The following NCOR2 variants were observed in gnomAD, a reference collection of about 807,000 sequenced individuals.
The protein encoded by NCOR2 is nuclear receptor corepressor 2, also known as CTG repeat protein 26.
In NCOR2, 81 loss-of-function variants were observed where a neutral mutation model predicts 262.9. The ratio of observed to expected loss-of-function variants is 0.31; its 90% confidence interval spans 0.26 to 0.37. The LOEUF is 0.37. Among genes scored for constraint, NCOR2 ranks in the 10% least tolerant of loss-of-function variants. The pLI is 1.00. For missense variants in NCOR2, 3,385 were observed against 3,621.4 expected, an observed-to-expected ratio of 0.93 and a Z score of 1.68; for synonymous variants, 1,659 against 1,559.3, an observed-to-expected ratio of 1.06 and a Z score of -1.51.
At chr12:124,384,485 G>T (rs1025184435) in intron 17 of NCOR2, among the ~76,000 whole-genome samples, 2 of 152,200 alleles carry the variant, frequency 1.3e-5, no homozygotes, top group Admixed American at 1.3e-4. Flanking sequence ...CCAGAGGGTG[G>T]ATCTCAGCCC....
Position 124,430,462 on chromosome 12 carries a change from G to A in NCOR2, c.1055+153C>T, listed in dbSNP as rs11835705. ...AAGTATTAGGCCAAAGAGGCTCCACGTGACACAGGCCAGGGTCTGGTAGGG... is the reference window on the plus strand; with the variant it reads ...AAGTATTAGGCCAAAGAGGCTCCACATGACACAGGCCAGGGTCTGGTAGGG... On this transcript the variant is annotated intron_variant, in intron 9 of 46. Coordinates refer to ENST00000405201, the Ensembl canonical transcript of NCOR2. 1.9e-3 allele frequency: 1,596 copies of A among 835,222 alleles called. 17 individuals carry two copies. In the African/African-American group the frequency reaches 0.025, roughly 13 times the overall value. 51.7% of individuals were successfully genotyped at this position (835,222 alleles called of 1,614,324 possible).
intron 22 of NCOR2, among the ~76,000 whole-genome samples, chr12:124,360,250 A>G (rs916141155): frequency 6.6e-6 from 1 of 152,172 alleles, no homozygotes; most frequent in African/African-American, 2.4e-5. Flanking sequence ...CGCACACTGT[A>G]CCCTGGCCCC....
chr12:124,347,632 G>A (rs1261071235), intron 30 of NCOR2, 193 bp downstream of exon 32: 4 of 605,672 alleles, frequency 6.6e-6, no homozygotes, highest in Admixed American at 5.9e-5. Context: ...TTTGCTTTTT[G>A]TTTTTGTTTT....
intron 1 of NCOR2, among the ~76,000 whole-genome samples, chr12:124,487,252 G>T (rs1181811944): frequency 6.6e-6 from 1 of 152,182 alleles, no homozygotes; most frequent in African/African-American, 2.4e-5. Flanking sequence ...ATGGATGGTG[G>T]CAAGTGATGG....
chr12:124,344,213 G>A (rs578202866), intron 32 of NCOR2, among the ~76,000 whole-genome samples: 24 of 152,370 alleles, frequency 1.6e-4, no homozygotes, highest in African/African-American at 4.8e-4. Flanking sequence ...TGAATGAGAG[G>A]CAGGCAGGGC....
Position 124,503,577 on chromosome 12 carries a change from C to T in NCOR2, c.-117-8209G>A, listed in dbSNP as rs998014896. Reference sequence around the variant, plus strand: ...AATGGATGGATGGATAGATGGAAGACGGACGGATGGACGGATGGATGGATG... The same window carrying T: ...AATGGATGGATGGATAGATGGAAGATGGACGGATGGACGGATGGATGGATG... On this transcript the variant is annotated intron_variant, in intron 1 of 46. Transcript: ENST00000404621. The surrounding 1 kb of genome is among the most constrained non-coding windows in gnomAD (Gnocchi z 4.3). 4.4e-5 allele frequency among the ~76,000 whole-genome samples: 6 copies of T among 137,586 alleles called. No individual in the cohort carries two copies. Among genetic ancestry groups the T allele is most frequent in the African/African-American group, 8.6e-5 (3 of 34,812 alleles). 90.3% of individuals were successfully genotyped at this position (137,586 alleles called of 152,430 possible).
intron 41 of NCOR2, among the ~76,000 whole-genome samples, chr12:124,333,897 C>CGTGCATGTGTGTGT (rs1392235914): frequency 2.4e-5 from 3 of 123,618 alleles, no homozygotes; most frequent in East Asian, 5.0e-4. Flanking sequence ...TGTGTGTGTG[C>CGTGCATGTGTGTGT]GCGCGCATGT....
Position 124,360,095 on chromosome 12 carries a change from G to C in NCOR2, c.3100+2031C>G, listed in dbSNP as rs113112057. On this transcript the variant is annotated intron_variant, in intron 22 of 46. Transcript: ENST00000405201. ...GGACAGGGGCCTGCGACCTGGCTCA[G>C]CAGGACCTGGCTGGCACCGTGCAGT... Among the ~76,000 whole-genome samples the C allele has an allele frequency of 5.9e-5, 9 of 152,346 alleles. 1 individual carries two copies. Among genetic ancestry groups the C allele is most frequent in the African/African-American group, 2.2e-4 (9 of 41,584 alleles).
Position 124,494,450 on chromosome 12 carries a change from G to A in NCOR2, c.105+697C>T, listed in dbSNP as rs533230946. The stretch of plus-strand genomic sequence containing the variant: ...AGGCCCGTTGTCCTGGCCACACCAT[G>A]CAGTGAGAGAAGAGGCAGGAAATGG... On this transcript the variant is annotated intron_variant, in intron 1 of 46. Coordinates refer to ENST00000405201, the Ensembl canonical transcript of NCOR2. Among the ~76,000 whole-genome samples, 135 of 152,348 alleles carry A rather than the reference G, an allele frequency of 8.9e-4. 1 individual carries two copies. Among genetic ancestry groups the A allele is most frequent in the African/African-American group, 3.2e-3 (134 of 41,580 alleles).
At chr12:124,535,985 C>G (rs188737259), upstream of NCOR2, among the ~76,000 whole-genome samples, 8 of 152,256 alleles carry the variant, frequency 5.3e-5, no homozygotes, top group South Asian at 1.7e-3. Context: ...ACCCCACAAA[C>G]AGGGAGATGG....
chr12:124,515,484 T>A (rs2049682684), intron 1 of NCOR2, among the ~76,000 whole-genome samples: 1 of 151,978 alleles, frequency 6.6e-6, no homozygotes, highest in Admixed American at 6.5e-5. Context: ...CAATTCATCA[T>A]CCATATCATA....
intron 5 of NCOR2, among the ~76,000 whole-genome samples, chr12:124,459,019 A>G (rs1391161137): frequency 6.6e-6 from 1 of 152,182 alleles, no homozygotes; most frequent in African/African-American, 2.4e-5. Context: ...CCTGCCTGGA[A>G]TAAACCCAAA....
chr12:124,382,798 T>G (rs918441716), intron 17 of NCOR2, among the ~76,000 whole-genome samples: 6 of 152,250 alleles, frequency 3.9e-5, no homozygotes, highest in Non-Finnish European at 7.3e-5. Context: ...GAATGCTTAT[T>G]GAGGGCTGAC....
At chr12:124,492,418 T>G (rs549643279) in intron 1 of NCOR2, among the ~76,000 whole-genome samples, 1 of 152,254 alleles carries the variant, frequency 6.6e-6, no homozygotes, top group African/African-American at 2.4e-5. Flanking sequence ...AGGGAAGACC[T>G]GCCATCAAAG....
chr12:124,441,048 A>G (rs2044773560), intron 7 of NCOR2, among the ~76,000 whole-genome samples: 1 of 152,178 alleles, frequency 6.6e-6, no homozygotes, highest in South Asian at 2.1e-4. Flanking sequence ...GAGTTTCGAC[A>G]TGGCAAAGGG....
At chr12:124,458,592 G>A (rs983880604) in intron 5 of NCOR2, among the ~76,000 whole-genome samples, 2 of 152,252 alleles carry the variant, frequency 1.3e-5, no homozygotes, top group African/African-American at 4.8e-5. Context: ...TGAGCCAAGC[G>A]TCGGGCATAC....
chr12:124,354,180 T>A (rs1193526170), exon 27 of NCOR2: 1 of 1,603,300 alleles, frequency 6.2e-7, no homozygotes, highest in African/African-American at 1.3e-5. Context: ...CGCCCGGAAC[T>A]GAGCCCAGAG....
chr12:124,497,007 C>T (rs752870360), upstream of NCOR2, among the ~76,000 whole-genome samples: 4 of 152,162 alleles, frequency 2.6e-5, no homozygotes, highest in Non-Finnish European at 4.4e-5. The surrounding 1 kb of genome is among the most constrained non-coding windows in gnomAD (Gnocchi z 4.2). Context: ...GGCGAAAGGG[C>T]GGTAAGAGCA....
intron 37 of NCOR2, among the ~76,000 whole-genome samples, chr12:124,339,219 A>ACCACCCCCCCCC (rs1566363037): frequency 1.6e-5 from 1 of 63,316 alleles, no homozygotes. Context: ...TCTACCTACC[A>ACCACCCCCCCCC]CCCACCCACC....
Sources: gnomAD v4.1 joint callset for allele counts (sites outside exome capture counted in the v4.1 genomes callset) on GRCh38, gnomAD v4.1.1 for gene constraint, Gnocchi (gnomAD v3.1) non-coding constraint, MANE v1.5 for transcripts, NCBI Gene and HGNC (gene_info 2026-07-23, HGNC 2026-07-21) for gene names.